SHQ1: variants seen among roughly 807,000 people sequenced by gnomAD.
SHQ1 encodes protein SHQ1 homolog.
A neutral mutation model predicts 53.8 loss-of-function variants in SHQ1; 49 were observed. That is an observed-to-expected ratio of 0.91 (90% CI 0.72 to 1.16). SHQ1 has a LOEUF of 1.16. Ranked by LOEUF, SHQ1 falls within the 50% of genes most tolerant of loss-of-function variation. The pLI is 0.00. For synonymous variants in SHQ1, 243 were observed against 251.0 expected (o/e 0.97, Z 0.30); for missense variants, 738 against 683.1 (o/e 1.08, Z -0.90).
the SHQ1 span, among the ~76,000 whole-genome samples, chr3:72,738,532 CT>C: frequency 6.6e-6 from 1 of 152,024 alleles, no homozygotes; most frequent in African/African-American, 2.4e-5. Flanking sequence ...ATTTCATCAG[CT>C]TGGGGATGGG....
chr3:72,826,478 T>C (rs530058989), intron 5 of SHQ1, among the ~76,000 whole-genome samples: 1 of 152,376 alleles, frequency 6.6e-6, no homozygotes, highest in Admixed American at 6.5e-5. Context: ...AGTACTGACA[T>C]TGTCCCATGT....
chr3:72,728,609 G>A, the SHQ1 span, among the ~76,000 whole-genome samples: 4 of 152,226 alleles, frequency 2.6e-5, no homozygotes, highest in African/African-American at 9.6e-5. Flanking sequence ...AGAGTTTGGG[G>A]TGCGGCTGCT....
chr3:72,749,171 G>C (rs988169142), downstream of SHQ1: 2 of 187,214 alleles, frequency 1.1e-5, no homozygotes, highest in Non-Finnish European at 2.3e-5. Context: ...CTGGAGAACA[G>C]TTCAGCATTT....
chr3:72,839,461 G>T (rs1346399219), intron 4 of SHQ1, among the ~76,000 whole-genome samples: 2 of 152,182 alleles, frequency 1.3e-5, no homozygotes, highest in Non-Finnish European at 2.9e-5. Flanking sequence ...TCCCTTTAAG[G>T]AATTTTGAGA....
chr3:72,821,990 T>C (rs757144826), intron 6 of SHQ1, among the ~76,000 whole-genome samples: 2 of 152,226 alleles, frequency 1.3e-5, no homozygotes, highest in Non-Finnish European at 2.9e-5. Context: ...ATCCAACTCC[T>C]GGCTCTCCTG....
At chr3:72,752,480 G>C (rs777112974) in intron 10 of SHQ1, among the ~76,000 whole-genome samples, 1 of 152,056 alleles carries the variant, frequency 6.6e-6, no homozygotes, top group Non-Finnish European at 1.5e-5. Flanking sequence ...AATATCAGCA[G>C]CATGGAGTGC....
intron 10 of SHQ1, among the ~76,000 whole-genome samples, chr3:72,785,497 G>C (rs1706203567): frequency 6.6e-6 from 1 of 152,112 alleles, no homozygotes; most frequent in African/African-American, 2.4e-5. Context: ...ATACTGGCAG[G>C]CTCCGGCACA....
At chr3:72,774,540 C>T (rs1186199113) in intron 10 of SHQ1, among the ~76,000 whole-genome samples, 1 of 152,074 alleles carries the variant, frequency 6.6e-6, no homozygotes, top group Non-Finnish European at 1.5e-5. Context: ...TATAAAAATC[C>T]ATATGCTTGG....
chr3:72,762,756 C>A (rs1218179900), intron 10 of SHQ1, among the ~76,000 whole-genome samples: 1 of 152,098 alleles, frequency 6.6e-6, no homozygotes, highest in Non-Finnish European at 1.5e-5. Flanking sequence ...CTCACTGCAA[C>A]CTCTGCCTCC....
At chr3:72,841,264 G>A in intron 3 of SHQ1, 65 bp from the exon 4 acceptor site, 3 of 1,306,550 alleles carry the variant, frequency 2.3e-6, no homozygotes, top group Middle Eastern at 2.4e-4. Flanking sequence ...GGAAGAAAAA[G>A]TATAGGAAAA....
Position 72,791,114 on chromosome 3 carries a change from G to A in SHQ1, c.1181+1802C>T, listed in dbSNP as rs148904416. On this transcript the variant is annotated intron_variant, in intron 10 of 10. Coordinates refer to ENST00000325599, the MANE Select transcript of SHQ1 (RefSeq NM_018130.3). ...AAAGAATATCACAAAGAGAGAAACAGGCACTCACAGAAATGAGATCCTGGT... is the reference window on the plus strand; with the variant it reads ...AAAGAATATCACAAAGAGAGAAACAAGCACTCACAGAAATGAGATCCTGGT... Among the ~76,000 whole-genome samples, 207 of 152,162 alleles carry A rather than the reference G, an allele frequency of 1.4e-3. 1 individual carries two copies. The highest frequency in any genetic ancestry group is 4.7e-3 in the African/African-American group (196 of 41,510).
chr3:72,797,892 C>CT (rs56688400), intron 9 of SHQ1, among the ~76,000 whole-genome samples: 34,042 of 151,294 alleles, frequency 0.23, 4,032 homozygotes, highest in Non-Finnish European at 0.25. Flanking sequence ...TGTGGCTGGG[C>CT]TTTTTTTTTC....
At position 72,848,428 on chromosome 3, in the gene SHQ1, G is replaced by C; in HGVS notation, c.-88C>G. 6.4e-7 allele frequency: 1 copy of C among 1,557,926 alleles called. No individual in the cohort carries two copies. The highest frequency in any genetic ancestry group is 8.7e-7 in the Non-Finnish European group (1 of 1,155,758). ...AAACTCTCCAACTCCCCACGCGCAG[G>C]AACTCTCGGTGTGAGGGACGGAGCT... On this transcript the variant is annotated 5_prime_UTR_variant, in exon 1 of 11. Transcript: ENST00000325599.
At chr3:72,779,383 G>A (rs1419943061) in intron 10 of SHQ1, among the ~76,000 whole-genome samples, 2 of 152,102 alleles carry the variant, frequency 1.3e-5, no homozygotes, top group East Asian at 3.9e-4. Flanking sequence ...TTTCCCCAGG[G>A]GATCCTCCTT....
chr3:72,756,932 A>G (rs62251648), intron 10 of SHQ1, among the ~76,000 whole-genome samples: 34,681 of 152,190 alleles, frequency 0.23, 4,162 homozygotes, highest in Non-Finnish European at 0.25. Context: ...AATTTCCTCA[A>G]TTATTTTACA....
At chr3:72,793,380 A>T (rs1283789925) in intron 9 of SHQ1, 1 of 164,122 alleles carries the variant, frequency 6.1e-6, no homozygotes, top group Non-Finnish European at 1.3e-5. Flanking sequence ...GGTGACAGGC[A>T]CCTATAGTCC....
At chr3:72,743,672 T>C in the SHQ1 span, among the ~76,000 whole-genome samples, 4 of 152,354 alleles carry the variant, frequency 2.6e-5, no homozygotes, top group African/African-American at 9.6e-5. Context: ...ATTTATTCAT[T>C]TGAGCTCTCC....
chr3:72,841,816 C>G (rs1365109937), intron 3 of SHQ1, among the ~76,000 whole-genome samples: 1 of 152,220 alleles, frequency 6.6e-6, no homozygotes, highest in Non-Finnish European at 1.5e-5. Flanking sequence ...TTCGCAGGCA[C>G]AGTTCACAGT....
chr3:72,811,261 G>A (rs922464997), intron 9 of SHQ1, among the ~76,000 whole-genome samples: 4 of 152,176 alleles, frequency 2.6e-5, no homozygotes, highest in African/African-American at 9.6e-5. Flanking sequence ...TGATATAACA[G>A]GATAATCGCA....
Sources: gnomAD v4.1 joint callset for allele counts (sites outside exome capture counted in the v4.1 genomes callset) on GRCh38, gnomAD v4.1.1 for gene constraint, MANE v1.5 for transcripts, NCBI Gene and HGNC (gene_info 2026-07-23, HGNC 2026-07-21) for gene names.